The following RP1 variants were observed in gnomAD, a reference collection of about 807,000 sequenced individuals.
RP1 encodes RP1 axonemal microtubule associated.
A neutral mutation model predicts 14.8 loss-of-function variants in RP1; 16 were observed. That is an observed-to-expected ratio of 1.08 (90% confidence interval 0.73 to 1.65). The LOEUF (loss-of-function observed/expected upper bound fraction) is 1.65. RP1 is among the 40% of genes most tolerant of loss of function. The pLI is 0.00. For synonymous variants in RP1, 876 were observed against 883.6 expected (o/e 0.99, Z 0.15); for missense variants, 2,631 against 2,535.0 (o/e 1.04, Z -0.81).
At chr8:54,805,065 C>T (rs963444115) in intron 24 of RP1, among the ~76,000 whole-genome samples, 9 of 152,146 alleles carry the variant, frequency 5.9e-5, no homozygotes, top group African/African-American at 2.2e-4. Flanking sequence ...CATCTGAAGT[C>T]ACTGACAAAG....
At chr8:54,801,802 A>G (rs1178085153) in intron 24 of RP1, among the ~76,000 whole-genome samples, 1 of 152,204 alleles carries the variant, frequency 6.6e-6, no homozygotes, top group Non-Finnish European at 1.5e-5. Flanking sequence ...AGGTGAGCAC[A>G]TGCTTAGGTC....
At chr8:54,741,714 T>C (rs886071317) in intron 19 of RP1, among the ~76,000 whole-genome samples, 3 of 110,320 alleles carry the variant, frequency 2.7e-5, no homozygotes, top group Non-Finnish European at 5.3e-5. Flanking sequence ...TGTGTATATA[T>C]ATATATATAT....
intron 12 of RP1, among the ~76,000 whole-genome samples, chr8:54,698,615 A>G (rs1168078127): frequency 2.6e-5 from 4 of 152,208 alleles, no homozygotes; most frequent in South Asian, 2.1e-4. Context: ...ACTGTTCACA[A>G]TAGCAAAGTC....
At chr8:54,744,511 A>G (rs891571359) in intron 19 of RP1, among the ~76,000 whole-genome samples, 4 of 152,274 alleles carry the variant, frequency 2.6e-5, no homozygotes, top group African/African-American at 9.6e-5. Context: ...AAGGATGATT[A>G]CATAGACTGG....
chr8:54,857,242 T>G (rs1812226068), intron 27 of RP1: 2 of 200,336 alleles, frequency 1.0e-5, no homozygotes, highest in South Asian at 1.9e-4. Flanking sequence ...TATATTATAT[T>G]TAATGTAAAT....
intron 12 of RP1, among the ~76,000 whole-genome samples, chr8:54,687,968 C>T (rs545412310): frequency 6.6e-6 from 1 of 152,310 alleles, no homozygotes; most frequent in Admixed American, 6.5e-5. Context: ...TCCCCTCCAG[C>T]ATCTGTTGTT....
At chr8:54,830,827 AG>A (rs1420613551) in intron 24 of RP1, among the ~76,000 whole-genome samples, 1 of 152,140 alleles carries the variant, frequency 6.6e-6, no homozygotes, top group African/African-American at 2.4e-5. Context: ...TCATGCCAAA[AG>A]AAAAACTCTG....
At chr8:54,719,519 C>G (rs144804636) in intron 15 of RP1, among the ~76,000 whole-genome samples, 167 of 152,214 alleles carry the variant, frequency 1.1e-3, no homozygotes, top group Non-Finnish European at 1.8e-3. Context: ...ACTTTTAAAA[C>G]AGTGAAAGGC....
At chr8:54,834,675 G>GT (rs34357204) in intron 24 of RP1, among the ~76,000 whole-genome samples, 44,288 of 146,590 alleles carry the variant, frequency 0.3, 6,767 homozygotes, top group South Asian at 0.37. Flanking sequence ...TGCTTTGGGA[G>GT]TTTTTTTTTT....
Position 54,627,428 on chromosome 8 carries a change from T to G in RP1, c.3546T>G (p.Ala1182=). The G allele has an allele frequency of 6.2e-7, 1 of 1,614,210 alleles. No individual in the cohort carries two copies. The highest frequency in any genetic ancestry group is 8.5e-7 in the Non-Finnish European group (1 of 1,179,998). ...ITEEADDLKA[A]VANLVESTTS... ...AGGAAGCTGATGACTTGAAAGCTGC[T>G]GTTGCCAATTTAGTGGAGTCAACTA... is the stretch of plus-strand genomic sequence containing the variant. Residue 1182 remains alanine, a synonymous_variant, in exon 4 of 4, where the codon GCT becomes GCG. Transcript: ENST00000220676.
At chr8:54,568,668 A>G (rs890753714) in intron 1 of RP1, among the ~76,000 whole-genome samples, 2 of 152,236 alleles carry the variant, frequency 1.3e-5, no homozygotes, top group Non-Finnish European at 2.9e-5. Context: ...GTGAACAAGA[A>G]TGGTGTGAGA....
At chr8:54,589,872 C>A (rs1298505761) in intron 1 of RP1, among the ~76,000 whole-genome samples, 3 of 152,188 alleles carry the variant, frequency 2.0e-5, no homozygotes, top group Admixed American at 1.3e-4. Context: ...TCTCAAGTAC[C>A]AAGTGGGCAT....
chr8:54,693,767 T>G (rs185513705), intron 12 of RP1, among the ~76,000 whole-genome samples: 5,618 of 152,108 alleles, frequency 0.037, 225 homozygotes, highest in African/African-American at 0.092. Flanking sequence ...TCTGCAAACA[T>G]GGACAATTTG....
intron 1 of RP1, among the ~76,000 whole-genome samples, chr8:54,583,786 G>C (rs1214167387): frequency 6.6e-6 from 1 of 152,146 alleles, no homozygotes; most frequent in African/African-American, 2.4e-5. Context: ...GTTTATTTGT[G>C]TAGAGGTGTT....
At chr8:54,756,629 C>T (rs1448502915) in intron 21 of RP1, among the ~76,000 whole-genome samples, 1 of 152,092 alleles carries the variant, frequency 6.6e-6, no homozygotes, top group Non-Finnish European at 1.5e-5. Context: ...TAAGCAGAAA[C>T]AAAATTTTAG....
At chr8:54,633,727 C>CTA (rs1260080855), downstream of RP1, among the ~76,000 whole-genome samples, 1 of 135,938 alleles carries the variant, frequency 7.4e-6, no homozygotes, top group Non-Finnish European at 1.5e-5. Flanking sequence ...CTCTCTCTCT[C>CTA]TCTCTCTCTC....
At chr8:54,763,181 T>A (rs1215470270) in intron 22 of RP1, among the ~76,000 whole-genome samples, 1 of 152,230 alleles carries the variant, frequency 6.6e-6, no homozygotes, top group Non-Finnish European at 1.5e-5. Flanking sequence ...TGTGTATGCA[T>A]GTGTATATGT....
Position 54,720,283 on chromosome 8 carries a change from G to C in RP1, c.2366G>C (p.Cys789Ser), listed in dbSNP as rs543058693. 1.3e-6 allele frequency: 2 copies of C among 1,535,212 alleles called. 1 individual carries two copies. The highest frequency in any genetic ancestry group is 2.4e-5 in the South Asian group (2 of 83,812). The change falls in exon 16 of 23, where the codon TGC becomes TCC. Residue 789 changes from cysteine to serine, a missense_variant. Physicochemically the swap from Cys to Ser is moderately radical, Grantham distance 112 (BLOSUM62 -1). Coordinates refer to the RP1 transcript ENST00000636932. ...ATTTATACCAAGGATGAGAATGTTT[G>C]CTTCTATCCACAAGTCATCCAATGT... is the stretch of plus-strand genomic sequence containing the variant.
In RP1 at chr8:54,627,274, C is replaced by G; in HGVS notation, c.3392C>G (p.Ala1131Gly). The G allele has an allele frequency of 1.2e-6, 2 of 1,614,120 alleles. No individual in the cohort carries two copies. Among genetic ancestry groups the G allele is most frequent in the Non-Finnish European group, 1.7e-6 (2 of 1,179,980 alleles). The change falls in exon 4 of 4, where the codon GCT (alanine) becomes GGT (glycine). Residue 1131 changes from alanine to glycine, a missense_variant. By Grantham distance (60) the Ala-to-Gly change is moderately conservative. Transcript: ENST00000220676. ...AATTCATCCACTAATCTCCTTCTAG[C>G]TTGGCTCTTGGTGCTAAACCTAAAG... ...ICNSSTNLLL[A>G]WLLVLNLKGS...
Sources: gnomAD v4.1 joint callset for allele counts (sites outside exome capture counted in the v4.1 genomes callset) on GRCh38, gnomAD v4.1.1 for gene constraint, MANE v1.5 for transcripts, NCBI Gene and HGNC (gene_info 2026-07-23, HGNC 2026-07-21) for gene names.